The following USP34 variants were observed in gnomAD, a reference collection of about 807,000 sequenced individuals.
USP34 encodes the protein ubiquitin carboxyl-terminal hydrolase 34.
A neutral mutation model predicts 460.3 loss-of-function variants in USP34; 70 were observed. The observed-to-expected ratio is 0.15, with a 90% CI of 0.13 to 0.19. USP34 has a LOEUF of 0.19. Ranked by LOEUF, USP34 falls within the 10% of genes least tolerant of loss-of-function variation. USP34 has a pLI of 1.00. For missense variants in USP34, 3,985 were observed against 4,236.2 expected (o/e 0.94, Z 1.65); for synonymous variants, 1,647 against 1,405.3 (o/e 1.17, Z -3.85).
chr2:61,410,539 T>TACATTGCATCC (rs1400039847), intron 2 of USP34, among the ~76,000 whole-genome samples: 3 of 152,252 alleles, frequency 2.0e-5, no homozygotes, highest in Non-Finnish European at 4.4e-5. Context: ...ACCCTTGCTG[T>TACATTGCATCC]ACATTGCATC....
At chr2:61,224,149 G>C (rs1273219431) in intron 62 of USP34, among the ~76,000 whole-genome samples, 8 of 152,250 alleles carry the variant, frequency 5.3e-5, no homozygotes, top group African/African-American at 1.9e-4. Flanking sequence ...AAATTAACTT[G>C]TTTGAATCAG....
At chr2:61,272,860 GA>G (rs1689257110) in intron 41 of USP34, among the ~76,000 whole-genome samples, 1 of 152,136 alleles carries the variant, frequency 6.6e-6, no homozygotes, top group Admixed American at 6.5e-5. Flanking sequence ...TGTAAAACAG[GA>G]AGTAATAGAA....
intron 10 of USP34, among the ~76,000 whole-genome samples, chr2:61,365,702 C>G (rs1288819823): frequency 6.6e-6 from 1 of 152,006 alleles, no homozygotes; most frequent in Non-Finnish European, 1.5e-5. Flanking sequence ...TACTAAACAA[C>G]TGTGGGAATT....
intron 6 of USP34, among the ~76,000 whole-genome samples, chr2:61,380,879 G>A (rs908612073): frequency 6.6e-6 from 1 of 152,148 alleles, no homozygotes; most frequent in Non-Finnish European, 1.5e-5. Context: ...CCAACTACAA[G>A]ACATATATGA....
intron 12 of USP34, among the ~76,000 whole-genome samples, chr2:61,349,850 C>T (rs1691894316): frequency 3.4e-5 from 5 of 148,666 alleles, no homozygotes; most frequent in African/African-American, 1.3e-4. Flanking sequence ...CAAAAAACAA[C>T]AACAACAACA....
intron 8 of USP34, among the ~76,000 whole-genome samples, chr2:61,372,628 T>C (rs771436614): frequency 3.5e-4 from 54 of 152,226 alleles, no homozygotes; most frequent in Non-Finnish European, 6.0e-4. Context: ...GGAGGATCAT[T>C]TGAGTCCAGG....
At chr2:61,236,295 A>AAT in intron 54 of USP34, 30 bp downstream of exon 54, 1 of 1,592,806 alleles carries the variant, frequency 6.3e-7, no homozygotes, top group Non-Finnish European at 8.5e-7. Context: ...AAATGTGTAA[A>AAT]ATATCTACTA....
intron 5 of USP34, among the ~76,000 whole-genome samples, chr2:61,385,671 CAAA>C (rs61200102): frequency 1.5e-4 from 7 of 46,002 alleles, no homozygotes; most frequent in African/African-American, 5.7e-4. Context: ...GACTCTGTCT[CAAA>C]AAAAAAAAAA....
chr2:61,397,972 C>A (rs932023086), intron 3 of USP34, among the ~76,000 whole-genome samples: 1 of 151,774 alleles, frequency 6.6e-6, no homozygotes, highest in Non-Finnish European at 1.5e-5. Context: ...CAGACTAAGG[C>A]ACAAGAATCA....
intron 8 of USP34, among the ~76,000 whole-genome samples, chr2:61,371,213 G>A (rs949946773): frequency 6.6e-6 from 1 of 152,108 alleles, no homozygotes; most frequent in African/African-American, 2.4e-5. Context: ...ATGTCATAGA[G>A]CAATGCATTA....
In USP34 at chr2:61,319,455, T is replaced by C. The variant is rs147971847; in HGVS notation, c.3014-128A>G. The C allele has an allele frequency of 1.4e-3, 712 of 510,008 alleles. 3 individuals carry two copies. The highest frequency in any genetic ancestry group is 0.01 in the African/African-American group (527 of 50,196). 31.6% of individuals were successfully genotyped at this position (510,008 alleles called of 1,614,324 possible). A position where few individuals can be genotyped will look rare whatever the true frequency, so the allele number is the denominator to read the frequency against. On this transcript the variant is annotated intron_variant, in intron 21 of 79. Transcript: ENST00000398571. ...AGGTTCTTGGAAATTGCAATTTTAA[T>C]TGAAATGATGCATAATGAAACTAAC...
rs893783363 is a variant in USP34, at chr2:61,222,887, G to A, written c.7749+173C>T. 7 of 690,226 alleles carry A rather than the reference G, an allele frequency of 1.0e-5. No homozygotes were observed. The African/African-American group carries it at 1.3e-4, about 12-fold the overall frequency. The allele number at this position is 690,226 out of a possible 1,614,324, so 42.8% of individuals were successfully genotyped here. A position where few individuals can be genotyped will look rare whatever the true frequency, so the allele number is the denominator to read the frequency against. On this transcript the variant is annotated intron_variant, in intron 64 of 79. Transcript: ENST00000398571. ...GATTTTTCTATTTTGTGTAGAGACG[G>A]GTTCTCACTATGTTGCCTAGGCTGG...
At chr2:61,284,021 G>T (rs1461676044) in intron 35 of USP34, among the ~76,000 whole-genome samples, 1 of 151,894 alleles carries the variant, frequency 6.6e-6, no homozygotes, top group Non-Finnish European at 1.5e-5. Context: ...ACACAGCAGG[G>T]TGTCTAGTCA....
intron 50 of USP34, among the ~76,000 whole-genome samples, chr2:61,246,081 C>T (rs770142258): frequency 2.0e-5 from 3 of 152,182 alleles, no homozygotes; most frequent in Non-Finnish European, 4.4e-5. Context: ...GTCTATAAAT[C>T]TCCTAAAGTT....
chr2:61,460,389 C>G (rs187172804), intron 1 of USP34, among the ~76,000 whole-genome samples: 135 of 152,300 alleles, frequency 8.9e-4, no homozygotes, highest in African/African-American at 3.1e-3. Context: ...TCCTGGTTAT[C>G]AGATCCACTG....
chr2:61,210,627 A>C (rs1031478095), intron 69 of USP34, among the ~76,000 whole-genome samples: 2 of 152,234 alleles, frequency 1.3e-5, no homozygotes, highest in Non-Finnish European at 2.9e-5. Flanking sequence ...TTCTTTCATT[A>C]GATACCAGAA....
intron 33 of USP34, 32 bp downstream of exon 33, chr2:61,293,432 G>A (rs1458234961): frequency 6.6e-7 from 1 of 1,524,522 alleles, no homozygotes. Flanking sequence ...GATAACTACT[G>A]TAACTAGTTG....
intron 10 of USP34, among the ~76,000 whole-genome samples, chr2:61,352,935 T>C (rs1691988318): frequency 6.6e-6 from 1 of 152,184 alleles, no homozygotes; most frequent in African/African-American, 2.4e-5. Flanking sequence ...TCCATTACTA[T>C]ACCAAGACAA....
At chr2:61,227,738 A>C (rs902033795) in intron 61 of USP34, among the ~76,000 whole-genome samples, 74 of 42,402 alleles carry the variant, frequency 1.7e-3, no homozygotes, top group Non-Finnish European at 3.1e-4. Flanking sequence ...CAAACAAACA[A>C]AAAAAAAACA....
Sources: gnomAD v4.1 joint callset for allele counts (sites outside exome capture counted in the v4.1 genomes callset) on GRCh38, gnomAD v4.1.1 for gene constraint, MANE v1.5 for transcripts, NCBI Gene and HGNC (gene_info 2026-07-23, HGNC 2026-07-21) for gene names.